YTHDC2: variants seen among roughly 807,000 people sequenced by gnomAD.
YTHDC2 encodes YTH N6-methyladenosine RNA binding protein C2.
YTHDC2 carries 45 observed loss-of-function variants against 174.9 expected under a neutral mutation model. That is an observed-to-expected ratio of 0.26 (90% CI 0.20 to 0.33). YTHDC2 has a LOEUF of 0.33. YTHDC2 is among the 10% of genes least tolerant of loss of function. YTHDC2 has a pLI of 1.00. For missense variants in YTHDC2, 1,650 were observed against 1,723.7 expected (o/e 0.96, Z 0.76); for synonymous variants, 657 against 574.5 (o/e 1.14, Z -2.05).
chr5:113,532,389 T>C (rs1423838630), intron 4 of YTHDC2, among the ~76,000 whole-genome samples: 1 of 152,198 alleles, frequency 6.6e-6, no homozygotes, highest in African/African-American at 2.4e-5. Flanking sequence ...CCAACCTGTT[T>C]GAATTTTATT....
At chr5:113,545,779 T>C (rs6893758) in intron 10 of YTHDC2, among the ~76,000 whole-genome samples, 19,209 of 51,662 alleles carry the variant, frequency 0.37, 5,274 homozygotes, top group African/African-American at 0.79. Flanking sequence ...CTCGCTCTGT[T>C]GCCCAGGCTG....
At chr5:113,573,093 A>T (rs1777834816) in intron 23 of YTHDC2, among the ~76,000 whole-genome samples, 1 of 152,064 alleles carries the variant, frequency 6.6e-6, no homozygotes, top group Non-Finnish European at 1.5e-5. Context: ...GTGTTTTTGT[A>T]GTGGCTGGTA....
chr5:113,543,450 TC>T (rs770069920), intron 10 of YTHDC2, among the ~76,000 whole-genome samples: 2 of 152,152 alleles, frequency 1.3e-5, no homozygotes, highest in Non-Finnish European at 2.9e-5. Flanking sequence ...ACTTTTCACT[TC>T]CCCTACTGTA....
At chr5:113,543,717 A>G (rs73781706) in intron 10 of YTHDC2, among the ~76,000 whole-genome samples, 1 of 152,136 alleles carries the variant, frequency 6.6e-6, no homozygotes, top group Non-Finnish European at 1.5e-5. Flanking sequence ...TTCCTCCTTG[A>G]TCTTATTTTT....
intron 25 of YTHDC2, 119 bp downstream of exon 25, chr5:113,581,828 A>G (rs1695402173): frequency 1.2e-6 from 1 of 857,994 alleles, no homozygotes; most frequent in Non-Finnish European, 1.6e-6. Flanking sequence ...TCTAAGATCC[A>G]TGAAAAGATA....
Position 113,581,714 on chromosome 5 carries a change from ATTTATGACAT to A in YTHDC2, c.3647+10_3647+19del. 1 of 1,485,522 alleles carries A rather than the reference ATTTATGACAT, an allele frequency of 6.7e-7. No homozygotes were observed. Among genetic ancestry groups the A allele is most frequent in the Non-Finnish European group, 9.0e-7 (1 of 1,116,480 alleles). 92.0% of individuals were successfully genotyped at this position (1,485,522 alleles called of 1,614,324 possible). A position where few individuals can be genotyped will look rare whatever the true frequency, so the allele number is the denominator to read the frequency against. On this transcript the variant is annotated splice_donor_region_variant and intron_variant, in intron 25 of 29. Transcript: ENST00000161863. ...TGAGTGTACTACTGCAGAAAGGTAA[ATTTATGACAT>A]TTTACCAAAATGGGTCACTTTTTAT...
In YTHDC2 at chr5:113,548,581, G is replaced by C; in HGVS notation, c.1536G>C (p.Met512Ile). The change falls in exon 11 of 30, where the codon ATG becomes ATC. Residue 512 changes from methionine (M) to isoleucine (I), a missense_variant. Around this residue, in one of 5 missense-constraint regions of YTHDC2, gnomAD observed 411 missense variants for 380.6 expected, o/e 1.08. Coordinates refer to ENST00000161863, the MANE Select transcript of YTHDC2 (RefSeq NM_022828.5). ...GTGAAACCAGTGCAACAGCTCTGAT[G>C]GTTGCTGCAGGACGTGGCTTTGCAA... Reference protein sequence around the residue: ...RHSETSATALMVAAGRGFASQ... With the variant: ...RHSETSATALIVAAGRGFASQ... The C allele has an allele frequency of 6.2e-7, 1 of 1,613,160 alleles. No individual in the cohort carries two copies. The highest frequency in any genetic ancestry group is 8.5e-7 in the Non-Finnish European group (1 of 1,179,554).
At chr5:113,588,582 A>C (rs914947787) in intron 26 of YTHDC2, among the ~76,000 whole-genome samples, 47 of 151,330 alleles carry the variant, frequency 3.1e-4, no homozygotes, top group Non-Finnish European at 2.9e-4. Context: ...ATTTGATAGA[A>C]TTCACTTATG....
At chr5:113,554,554 T>C (rs1353688889) in intron 16 of YTHDC2, among the ~76,000 whole-genome samples, 1 of 148,136 alleles carries the variant, frequency 6.8e-6, no homozygotes, top group Non-Finnish European at 1.5e-5. Context: ...AGCAGCTAAA[T>C]TGGACTTAAC....
At position 113,550,575 on chromosome 5, in the gene YTHDC2, T is replaced by C. The variant is rs946179784; in HGVS notation, c.1688+1555T>C. The stretch of plus-strand genomic sequence containing the variant: ...GGAAGTGGAAGTGGTAACCTCATTT[T>C]TCATTAGTTGGAGGTTCGCAGATAA... On this transcript the variant is annotated intron_variant, in intron 12 of 29. Transcript: ENST00000161863. 2.4e-4 allele frequency among the ~76,000 whole-genome samples: 36 copies of C among 151,896 alleles called. 1 individual carries two copies.
intron 9 of YTHDC2, 40 bp from the exon 10 acceptor site, chr5:113,542,328 G>GTAATTTATGA (rs1775544337): frequency 2.5e-6 from 4 of 1,597,610 alleles, no homozygotes; most frequent in Middle Eastern, 1.7e-4. Context: ...CAAATGTTAG[G>GTAATTTATGA]TAATTTATGA....
In YTHDC2 at chr5:113,551,520, C is replaced by T. The variant is rs375049068; in HGVS notation, c.1689-1661C>T. Among the ~76,000 whole-genome samples, 16 of 152,138 alleles carry T rather than the reference C, an allele frequency of 1.1e-4. No individual in the cohort carries two copies. The East Asian group carries it at 1.2e-3, about 11-fold the overall frequency. Reference sequence around the variant, plus strand: ...TAAAAATTAAAAAACAATAAACTTACAGTGTTTTAAAGTAGATCTTAAAAT... The same window carrying T: ...TAAAAATTAAAAAACAATAAACTTATAGTGTTTTAAAGTAGATCTTAAAAT... On this transcript the variant is annotated intron_variant, in intron 12 of 29. Coordinates refer to ENST00000161863, the MANE Select transcript of YTHDC2 (RefSeq NM_022828.5).
chr5:113,592,316 T>G (rs980092581), intron 28 of YTHDC2, 138 bp downstream of exon 28: 2 of 840,326 alleles, frequency 2.4e-6, no homozygotes, highest in African/African-American at 3.6e-5. Context: ...TTCAGGTTTG[T>G]AAAAAGATAG....
At chr5:113,552,502 C>T (rs1156895215) in intron 12 of YTHDC2, among the ~76,000 whole-genome samples, 1 of 151,972 alleles carries the variant, frequency 6.6e-6, no homozygotes, top group East Asian at 1.9e-4. Context: ...TGTTGTAGCA[C>T]TATTTTTATG....
chr5:113,567,353 C>T (rs1777405896), intron 22 of YTHDC2, 56 bp downstream of exon 22: 2 of 1,396,602 alleles, frequency 1.4e-6, no homozygotes, highest in Non-Finnish European at 1.9e-6. Context: ...AGGTAGTTCA[C>T]TATCAATGAA....
At position 113,561,102 on chromosome 5, in the gene YTHDC2, A is replaced by G. The variant is rs751213133; in HGVS notation, c.2239A>G (p.Ile747Val). 1.2e-6 allele frequency: 2 copies of G among 1,608,768 alleles called. No homozygotes were observed. The highest frequency in any genetic ancestry group is 2.2e-5 in the South Asian group (2 of 90,036). ...AAGGGCAGGGCGATGTAGACCTGGA[A>G]TTTGTTTTCGTCTGTTCAGTAGACT... ...KGRAGRCRPG[I>V]CFRLFSRLRF... The change falls in exon 18 of 30, where the codon ATT (isoleucine) becomes GTT (valine). Residue 747 changes from isoleucine to valine, a missense_variant. Ile to Val is a conservative substitution (Grantham distance 29). Coordinates refer to ENST00000161863, the MANE Select transcript of YTHDC2 (RefSeq NM_022828.5).
chr5:113,514,110 G>A (rs1385752901), intron 1 of YTHDC2, 28 bp downstream of exon 1: 5 of 1,600,862 alleles, frequency 3.1e-6, no homozygotes, highest in Admixed American at 3.5e-5. Flanking sequence ...GACCATGCTG[G>A]CAGTCAGGAT....
intron 24 of YTHDC2, 44 bp downstream of exon 24, chr5:113,579,739 T>G: frequency 6.5e-7 from 1 of 1,533,934 alleles, no homozygotes; most frequent in South Asian, 1.3e-5. Context: ...TTCATTCAGT[T>G]AGTGTGAATT....
At chr5:113,589,395 TAAAAA>T (rs1156968093) in intron 26 of YTHDC2, among the ~76,000 whole-genome samples, 89 of 114,450 alleles carry the variant, frequency 7.8e-4, no homozygotes, top group African/African-American at 1.5e-3. Context: ...TTTTAAAAAT[TAAAAA>T]AAAAAAAAAT....
Sources: allele counts gnomAD v4.1 joint callset (sites outside exome capture counted in the v4.1 genomes callset), GRCh38; gene constraint gnomAD v4.1.1; regional missense constraint gnomAD v4.1.1; transcripts MANE v1.5; gene names NCBI Gene and HGNC (gene_info 2026-07-23, HGNC 2026-07-21).